Variants in GLIPR1L1 observed in about 807,000 individuals in gnomAD.
The protein encoded by GLIPR1L1 is GLIPR1 like 1.
A neutral mutation model predicts 29.9 loss-of-function variants in GLIPR1L1; 26 were observed. That is an observed-to-expected ratio of 0.87 (90% CI 0.64 to 1.21). GLIPR1L1 has a LOEUF of 1.21. GLIPR1L1 is among the 50% of genes most tolerant of loss of function. The pLI is 0.00. For synonymous variants in GLIPR1L1, 77 were observed against 97.5 expected, an observed-to-expected ratio of 0.79 and a Z score of 1.24; for missense variants, 305 against 290.3, an observed-to-expected ratio of 1.05 and a Z score of -0.37.
chr12:75,359,485 T>C (rs1593801213), intron 3 of GLIPR1L1, among the ~76,000 whole-genome samples: 1 of 149,472 alleles, frequency 6.7e-6, no homozygotes, highest in Non-Finnish European at 1.5e-5. Flanking sequence ...CATGTGGAAG[T>C]GCAAAAATTT....
rs1361969824 is a variant in GLIPR1L1 at position 75,334,906 on chromosome 12, A to T, written c.174+4A>T. ...CGCGGCCGACATGAAATACATGGTG[A>T]GAAAGAACCAGGGCTGGGCTCTTAA... On this transcript the variant is annotated splice_donor_region_variant and intron_variant, in intron 1 of 5. Transcript: ENST00000378695. The T allele has an allele frequency of 5.6e-6, 9 of 1,612,696 alleles. No homozygotes were observed. Among genetic ancestry groups the T allele is most frequent in the African/African-American group, 1.3e-5 (1 of 74,880 alleles).
chr12:75,370,058 T>C (rs1328468573), intron 5 of GLIPR1L1, 27 bp from the exon 6 acceptor site: 1 of 1,436,622 alleles, frequency 7.0e-7, no homozygotes. Flanking sequence ...CTCTTAACTA[T>C]TCTGGTTTTG....
intron 1 of GLIPR1L1, among the ~76,000 whole-genome samples, chr12:75,343,023 G>A (rs2042220972): frequency 6.7e-6 from 1 of 148,340 alleles, no homozygotes; most frequent in African/African-American, 2.6e-5. Flanking sequence ...TTATAGTATT[G>A]TTTATGTATT....
At chr12:75,337,560 G>A (rs1196597877) in intron 1 of GLIPR1L1, among the ~76,000 whole-genome samples, 1 of 151,842 alleles carries the variant, frequency 6.6e-6, no homozygotes, top group Admixed American at 6.6e-5. Flanking sequence ...TTGATATGTT[G>A]TTTATTGAAT....
chr12:75,342,260 T>C (rs1268972795), intron 1 of GLIPR1L1, among the ~76,000 whole-genome samples: 1 of 152,152 alleles, frequency 6.6e-6, no homozygotes, highest in Non-Finnish European at 1.5e-5. Flanking sequence ...CCTACACATA[T>C]ACAAAAATAA....
Position 75,366,640 on chromosome 12 carries a change from C to T in GLIPR1L1, c.611-3320C>T, listed in dbSNP as rs530166743. Among the ~76,000 whole-genome samples, 10 of 146,584 alleles carry T rather than the reference C, an allele frequency of 6.8e-5. No homozygotes were observed. The East Asian group carries it at 1.6e-3, about 23-fold the overall frequency. ...GTCTTTCCTCTTCTTCAGATTGTTG[C>T]CTACTTTTTTTTTTTTCTTAAAAGG... On this transcript the variant is annotated intron_variant, in intron 4 of 5. Transcript: ENST00000378695.
intron 3 of GLIPR1L1, among the ~76,000 whole-genome samples, chr12:75,358,735 TATG>T (rs1174710145): frequency 6.9e-6 from 1 of 145,326 alleles, no homozygotes; most frequent in Non-Finnish European, 1.5e-5. Context: ...ATATTATATA[TATG>T]GTTTAAATAT....
intron 3 of GLIPR1L1, among the ~76,000 whole-genome samples, chr12:75,359,440 T>G (rs1770626756): frequency 6.7e-6 from 1 of 149,340 alleles, no homozygotes; most frequent in Admixed American, 6.7e-5. Flanking sequence ...CCACCAGGAT[T>G]TTATTGTATA....
At chr12:75,337,897 A>G (rs1408421593) in intron 1 of GLIPR1L1, among the ~76,000 whole-genome samples, 1 of 152,112 alleles carries the variant, frequency 6.6e-6, no homozygotes, top group Non-Finnish European at 1.5e-5. Flanking sequence ...TGAACCCAAT[A>G]TAAATCTTTT....
At chr12:75,336,115 C>A (rs2041719108) in intron 1 of GLIPR1L1, among the ~76,000 whole-genome samples, 1 of 151,794 alleles carries the variant, frequency 6.6e-6, no homozygotes, top group South Asian at 2.1e-4. Flanking sequence ...CTGAAAGTTC[C>A]TTATATTGTT....
At position 75,334,949 on chromosome 12, in the gene GLIPR1L1, A is replaced by C. The variant is rs753174836; in HGVS notation, c.174+47A>C. ...GCTCTTAAATCCCTGACTCATCCTG[A>C]GGTATCTGGGTGATAAATTTCACGG... On this transcript the variant is annotated intron_variant, in intron 1 of 5. Coordinates refer to ENST00000378695, the MANE Select transcript of GLIPR1L1 (RefSeq NM_001304964.2). The C allele has an allele frequency of 7.8e-6, 12 of 1,544,588 alleles. No homozygotes were observed. The South Asian group carries it at 1.4e-4, about 18-fold the overall frequency.
chr12:75,341,439 CT>C, intron 1 of GLIPR1L1, among the ~76,000 whole-genome samples: 1 of 151,546 alleles, frequency 6.6e-6, no homozygotes, highest in East Asian at 1.9e-4. Flanking sequence ...ATATAACATT[CT>C]TTTTTTCTTT....
chr12:75,346,773 AACAATTGAT>A (rs1172459329), intron 2 of GLIPR1L1, among the ~76,000 whole-genome samples: 2 of 152,204 alleles, frequency 1.3e-5, no homozygotes, highest in African/African-American at 4.8e-5. Context: ...GGCTATAGAA[AACAATTGAT>A]ACATCAATTT....
Position 75,348,779 on chromosome 12 carries a change from T to C in GLIPR1L1, c.521+1057T>C, listed in dbSNP as rs550720039. 2.6e-5 allele frequency among the ~76,000 whole-genome samples: 4 copies of C among 152,200 alleles called. No homozygotes were observed. The East Asian group carries it at 7.7e-4, about 29-fold the overall frequency. ...GTAGGGACCAATATACCCTGTCACT[T>C]GAAACAAAAGCCATAAAAAGCAAAA... is the stretch of plus-strand genomic sequence containing the variant. On this transcript the variant is annotated intron_variant, in intron 3 of 5. Coordinates refer to ENST00000378695, the MANE Select transcript of GLIPR1L1 (RefSeq NM_001304964.2).
intron 3 of GLIPR1L1, among the ~76,000 whole-genome samples, chr12:75,359,569 GGTTTTCAAAA>G (rs1204751955): frequency 6.6e-6 from 1 of 151,256 alleles, no homozygotes; most frequent in Non-Finnish European, 1.5e-5. Context: ...CTAATAATAT[GGTTTTCAAAA>G]GTTATTAAAA....
intron 1 of GLIPR1L1, among the ~76,000 whole-genome samples, chr12:75,341,639 G>A (rs373629491): frequency 3.4e-4 from 51 of 151,728 alleles, no homozygotes; most frequent in African/African-American, 1.1e-3. Context: ...GTGGAGACGC[G>A]GTTTCACCGT....
chr12:75,349,109 T>C (rs2139414996), intron 3 of GLIPR1L1, among the ~76,000 whole-genome samples: 1 of 152,262 alleles, frequency 6.6e-6, no homozygotes, highest in Non-Finnish European at 1.5e-5. Flanking sequence ...ATAATATTCC[T>C]AGAGTATTGA....
At chr12:75,363,546 C>T (rs780457699) in intron 4 of GLIPR1L1, among the ~76,000 whole-genome samples, 1 of 152,082 alleles carries the variant, frequency 6.6e-6, no homozygotes, top group Non-Finnish European at 1.5e-5. Flanking sequence ...AGTAATTTGT[C>T]AGTCAATGTC....
chr12:75,356,360 TTTAA>T (rs1182000050), intron 3 of GLIPR1L1, among the ~76,000 whole-genome samples: 2 of 152,184 alleles, frequency 1.3e-5, no homozygotes, highest in Non-Finnish European at 2.9e-5. Context: ...TGTTTTCTTA[TTTAA>T]TTCTCTTTCA....
Sources: gnomAD v4.1 joint callset for allele counts (sites outside exome capture counted in the v4.1 genomes callset) on GRCh38, gnomAD v4.1.1 for gene constraint, MANE v1.5 for transcripts, NCBI Gene and HGNC (gene_info 2026-07-23, HGNC 2026-07-21) for gene names.